Variants in PGBD2 observed in about 807,000 individuals in gnomAD.
The protein encoded by PGBD2 is piggyBac transposable element-derived protein 2.
Under a neutral mutation model 8.1 loss-of-function variants are expected in PGBD2, and 6 were observed. That is an observed-to-expected ratio of 0.74 (90% CI 0.40 to 1.46). PGBD2 has a LOEUF of 1.46. PGBD2 is among the 40% of genes most tolerant of loss of function. PGBD2 has a pLI of 0.02. For missense variants in PGBD2, 802 were observed against 739.0 expected, an observed-to-expected ratio of 1.09 and a Z score of -0.99; for synonymous variants, 318 against 272.2, an observed-to-expected ratio of 1.17 and a Z score of -1.66.
upstream of PGBD2, among the ~76,000 whole-genome samples, chr1:248,904,549 C>A (rs1178598783): frequency 6.6e-6 from 1 of 152,142 alleles, no homozygotes; most frequent in Admixed American, 6.6e-5. Context: ...CCAGCAAGCA[C>A]CTTATTACTC....
At position 248,917,686 on chromosome 1, in the gene PGBD2, G is replaced by C; in HGVS notation, c.1102G>C (p.Val368Leu). 1 of 1,614,228 alleles carries C rather than the reference G, an allele frequency of 6.2e-7. No individual in the cohort carries two copies. The highest frequency in any genetic ancestry group is 8.5e-7 in the Non-Finnish European group (1 of 1,180,042). Residue 368 changes from valine (V) to leucine (L), a missense_variant, in exon 3 of 3, where the codon GTG becomes CTG. Transcript: ENST00000329291. ...KLMSILRKKGVKATGTVREYR... is the reference protein window; with the variant it reads ...KLMSILRKKGLKATGTVREYR... ...GATGTCCATTTTGAGGAAAAAGGGG[G>C]TGAAAGCCACAGGAACTGTTCGTGA...
chr1:248,916,561 C>G (rs1662104004), intron 2 of PGBD2, 41 bp from the exon 3 acceptor site: 16 of 1,569,120 alleles, frequency 1.0e-5, no homozygotes, highest in Non-Finnish European at 1.3e-5. Context: ...CATTGGCTTT[C>G]TGGCATGGCC....
chr1:248,919,330 A>G (rs1662234646), downstream of PGBD2: 2 of 166,866 alleles, frequency 1.2e-5, no homozygotes, highest in Admixed American at 1.3e-4. Flanking sequence ...ATAAGTGAGA[A>G]CATCTGAAGT....
At chr1:248,905,807 T>C (rs529975755), upstream of PGBD2, among the ~76,000 whole-genome samples, 15 of 152,322 alleles carry the variant, frequency 9.8e-5, no homozygotes, top group African/African-American at 2.9e-4. Flanking sequence ...AAGCCCTAGT[T>C]TGTACCACAA....
At chr1:248,905,232 C>A (rs1188171276), upstream of PGBD2, among the ~76,000 whole-genome samples, 2 of 151,974 alleles carry the variant, frequency 1.3e-5, no homozygotes, top group African/African-American at 4.8e-5. Context: ...TTTACAGTGA[C>A]CAAAAAACCT....
the PGBD2 span, among the ~76,000 whole-genome samples, chr1:248,876,395 A>G: frequency 6.6e-6 from 1 of 152,164 alleles, no homozygotes; most frequent in African/African-American, 2.4e-5. Context: ...ACAGGTTCTC[A>G]ATACTTTAGG....
chr1:248,874,223 T>G, the PGBD2 span, among the ~76,000 whole-genome samples: 1 of 152,204 alleles, frequency 6.6e-6, no homozygotes, highest in South Asian at 2.1e-4. Flanking sequence ...TAGTATAGCA[T>G]ATTGCTAAAT....
chr1:248,923,158 AT>A (rs1662320725), downstream of PGBD2, among the ~76,000 whole-genome samples: 1 of 152,100 alleles, frequency 6.6e-6, no homozygotes, highest in Admixed American at 6.5e-5. Flanking sequence ...TTATTCAGGG[AT>A]TCGACTTCCT....
Position 248,918,453 on chromosome 1 carries a change from A to G in PGBD2, c.*90A>G. The G allele has an allele frequency of 7.7e-7, 1 of 1,301,578 alleles. No individual in the cohort carries two copies. The highest frequency in any genetic ancestry group is 1.6e-5 in the South Asian group (1 of 62,582). The allele number at this position is 1,301,578 out of a possible 1,614,324, so 80.6% of individuals were successfully genotyped here. On this transcript the variant is annotated 3_prime_UTR_variant, in exon 3 of 3. Coordinates refer to ENST00000329291, the MANE Select transcript of PGBD2 (RefSeq NM_170725.3). ...AGCACTTCTGTTTTGTGTTGGAAAA[A>G]AGACCTGAATTTCTAATGACTTGAT...
At chr1:248,928,929 C>A in the PGBD2 span, among the ~76,000 whole-genome samples, 6 of 152,298 alleles carry the variant, frequency 3.9e-5, no homozygotes, top group South Asian at 1.2e-3. Flanking sequence ...CTAAGAAATT[C>A]ATCTCTTTCT....
the PGBD2 span, among the ~76,000 whole-genome samples, chr1:248,894,571 G>A: frequency 2.0e-5 from 3 of 152,144 alleles, no homozygotes; most frequent in African/African-American, 7.2e-5. Context: ...AGCTGACAAT[G>A]TATGCATGGG....
intron 1 of PGBD2, among the ~76,000 whole-genome samples, chr1:248,907,207 A>C (rs539823286): frequency 9.2e-5 from 14 of 152,326 alleles, no homozygotes; most frequent in African/African-American, 3.4e-4. Context: ...GTTCAAGTGG[A>C]GGTACTATGC....
chr1:248,917,974 G>C lies in PGBD2; in HGVS notation c.1390G>C (p.Gly464Arg). Residue 464 changes from glycine to arginine, a missense_variant, in exon 3 of 3, where the codon GGT (glycine) becomes CGT (arginine). Transcript: ENST00000329291. ...GTATCAGGAGAAGGTGGGTGGCGTT[G>C]GTAGGATGGATCAGAATATTGCCAA... ...KLYQEKVGGV[G>R]RMDQNIAKYK... 1 of 1,614,154 alleles carries C rather than the reference G, an allele frequency of 6.2e-7. No individual in the cohort carries two copies. Among genetic ancestry groups the C allele is most frequent in the Middle Eastern group, 1.6e-4 (1 of 6,062 alleles).
downstream of PGBD2, among the ~76,000 whole-genome samples, chr1:248,924,653 A>G (rs1662349222): frequency 6.6e-6 from 1 of 152,256 alleles, no homozygotes; most frequent in African/African-American, 2.4e-5. Flanking sequence ...CATTCAATTA[A>G]GTTAAAACAT....
the PGBD2 span, among the ~76,000 whole-genome samples, chr1:248,877,055 A>G: frequency 6.6e-6 from 1 of 152,352 alleles, no homozygotes; most frequent in African/African-American, 2.4e-5. Flanking sequence ...TCACATGTAC[A>G]AACAAAAGTT....
In PGBD2 at chr1:248,916,724, C is replaced by G; in HGVS notation, c.140C>G (p.Pro47Arg). 6.2e-7 allele frequency: 1 copy of G among 1,614,158 alleles called. No individual in the cohort carries two copies. Among genetic ancestry groups the G allele is most frequent in the South Asian group, 1.1e-5 (1 of 91,084 alleles). ...NNREEIFIAP[P>R]DNAAGEFTDE... The stretch of plus-strand genomic sequence containing the variant: ...AGGGAAGAGATTTTCATTGCACCTC[C>G]CGACAATGCTGCGGGGGAATTCACT... Residue 47 changes from proline to arginine, a missense_variant, in exon 3 of 3, where the codon CCC becomes CGC. By Grantham distance (103) the Pro-to-Arg change is moderately radical. Transcript: ENST00000329291.
At chr1:248,911,649 G>A (rs1191011144) in intron 1 of PGBD2, among the ~76,000 whole-genome samples, 4 of 148,326 alleles carry the variant, frequency 2.7e-5, no homozygotes, top group African/African-American at 1.1e-4. Context: ...TCCCAGACGG[G>A]GCGGCTGGCC....
At position 248,917,965 on chromosome 1, in the gene PGBD2, G is replaced by C. The variant is rs780442878; in HGVS notation, c.1381G>C (p.Gly461Arg). 99 of 1,614,076 alleles carry C rather than the reference G, an allele frequency of 6.1e-5. No homozygotes were observed. The highest frequency in any genetic ancestry group is 7.6e-5 in the Non-Finnish European group (90 of 1,180,046). The change falls in exon 3 of 3, where the codon GGT becomes CGT. Residue 461 changes from glycine (G) to arginine (R), a missense_variant. Physicochemically the swap from Gly to Arg is moderately radical, Grantham distance 125. Coordinates refer to ENST00000329291, the MANE Select transcript of PGBD2 (RefSeq NM_170725.3). ...GGTGAAGCTGTATCAGGAGAAGGTG[G>C]GTGGCGTTGGTAGGATGGATCAGAA... Reference protein sequence around the residue: ...SLVKLYQEKVGGVGRMDQNIA... With the variant: ...SLVKLYQEKVRGVGRMDQNIA...
chr1:248,888,508 C>CT, the PGBD2 span, among the ~76,000 whole-genome samples: 1 of 152,110 alleles, frequency 6.6e-6, no homozygotes, highest in Non-Finnish European at 1.5e-5. Flanking sequence ...TGATGTTGAA[C>CT]TTTTTTTACA....
Sources: gnomAD v4.1 joint callset for allele counts (sites outside exome capture counted in the v4.1 genomes callset) on GRCh38, gnomAD v4.1.1 for gene constraint, MANE v1.5 for transcripts, NCBI Gene and HGNC (gene_info 2026-07-23, HGNC 2026-07-21) for gene names.